Variants in PLXDC2 observed in about 807,000 individuals in gnomAD.
The protein encoded by PLXDC2 is plexin domain containing 2.
PLXDC2 carries 40 observed loss-of-function variants against 68.9 expected under a neutral mutation model. The ratio of observed to expected loss-of-function variants is 0.58; its 90% CI spans 0.45 to 0.76. The LOEUF (loss-of-function observed/expected upper bound fraction) is 0.76, where lower values mean the gene tolerates loss of function less well. PLXDC2 is among the 30% of genes least tolerant of loss of function. The pLI is 0.00. For missense variants in PLXDC2, 644 were observed against 661.9 expected (o/e 0.97, Z 0.30); for synonymous variants, 243 against 234.2 (o/e 1.04, Z -0.34).
At chr10:20,036,588 T>G (rs964620660) in intron 2 of PLXDC2, among the ~76,000 whole-genome samples, 5 of 152,200 alleles carry the variant, frequency 3.3e-5, no homozygotes, top group Admixed American at 2.0e-4. Context: ...TGATTTTTTT[T>G]TAATTATTAG....
At chr10:20,132,767 CT>C (rs201626473) in intron 4 of PLXDC2, among the ~76,000 whole-genome samples, 1,814 of 30,728 alleles carry the variant, frequency 0.059, 27 homozygotes, top group African/African-American at 0.11. Flanking sequence ...ATAGTTTGAT[CT>C]TTAAAAAAAA....
intron 9 of PLXDC2, among the ~76,000 whole-genome samples, chr10:20,182,239 C>T (rs1324835031): frequency 6.6e-5 from 10 of 151,908 alleles, no homozygotes; most frequent in Non-Finnish European, 7.4e-5. Flanking sequence ...TCCTTTACAG[C>T]GAATTCCTCC....
intron 4 of PLXDC2, among the ~76,000 whole-genome samples, chr10:20,069,964 A>G (rs1386722469): frequency 6.6e-6 from 1 of 152,334 alleles, no homozygotes; most frequent in Non-Finnish European, 1.5e-5. Context: ...TTGTTGTTCA[A>G]AGTTTTTCTT....
intron 4 of PLXDC2, among the ~76,000 whole-genome samples, chr10:20,126,482 T>TAACACACATGTTATATATGTATATAG (rs1833785108): frequency 8.6e-5 from 2 of 23,338 alleles, no homozygotes; most frequent in African/African-American, 3.5e-4. Flanking sequence ...TATGTATATA[T>TAACACACATGTTATATATGTATATAG]AACACACACG....
chr10:20,112,028 C>A (rs1402382972), intron 4 of PLXDC2, among the ~76,000 whole-genome samples: 1 of 152,046 alleles, frequency 6.6e-6, no homozygotes, highest in Admixed American at 6.6e-5. Flanking sequence ...TGCCCTCTTA[C>A]AAAGAGTCAT....
At chr10:20,250,271 C>CAAAAAAA (rs35463564) in intron 13 of PLXDC2, among the ~76,000 whole-genome samples, 1 of 108,470 alleles carries the variant, frequency 9.2e-6, no homozygotes, top group Non-Finnish European at 1.8e-5. Context: ...GATCCTGTTT[C>CAAAAAAA]AAAAAAAAAA....
intron 4 of PLXDC2, among the ~76,000 whole-genome samples, chr10:20,091,541 T>C (rs1186607658): frequency 6.6e-6 from 1 of 152,190 alleles, no homozygotes; most frequent in Non-Finnish European, 1.5e-5. Flanking sequence ...CTTTTTAAGA[T>C]GAGGCATGAC....
At chr10:20,263,274 A>G (rs1018931589) in intron 13 of PLXDC2, among the ~76,000 whole-genome samples, 1 of 152,212 alleles carries the variant, frequency 6.6e-6, no homozygotes, top group Non-Finnish European at 1.5e-5. Context: ...TCCCTATTCA[A>G]TAAATGGTGC....
intron 13 of PLXDC2, among the ~76,000 whole-genome samples, chr10:20,268,169 T>C (rs1031341141): frequency 2.0e-5 from 3 of 152,194 alleles, no homozygotes; most frequent in African/African-American, 7.2e-5. Flanking sequence ...ACACTAATAC[T>C]TTATTGTTCC....
intron 5 of PLXDC2, among the ~76,000 whole-genome samples, chr10:20,144,859 A>G (rs1834052368): frequency 6.6e-6 from 1 of 152,222 alleles, no homozygotes; most frequent in African/African-American, 2.4e-5. Flanking sequence ...TACTGTTGCT[A>G]TCAAAATCAT....
intron 9 of PLXDC2, among the ~76,000 whole-genome samples, chr10:20,195,190 T>G (rs569244026): frequency 9.2e-5 from 14 of 152,092 alleles, no homozygotes; most frequent in Non-Finnish European, 1.8e-4. Context: ...CAGCCTGTGG[T>G]CCGGGCCTCA....
intron 4 of PLXDC2, among the ~76,000 whole-genome samples, chr10:20,138,441 CATA>C (rs1440450828): frequency 6.6e-6 from 1 of 152,154 alleles, no homozygotes; most frequent in Admixed American, 6.5e-5. Flanking sequence ...AGGCTGGACA[CATA>C]ATGACTGCAA....
chr10:19,856,676 AT>A (rs1000427725), intron 1 of PLXDC2, among the ~76,000 whole-genome samples: 2 of 152,132 alleles, frequency 1.3e-5, no homozygotes, highest in Non-Finnish European at 2.9e-5. Flanking sequence ...CATTTCACAC[AT>A]TTCATCTGCT....
intron 1 of PLXDC2, among the ~76,000 whole-genome samples, chr10:19,926,441 C>T (rs115679152): frequency 8.3e-4 from 127 of 152,256 alleles, no homozygotes; most frequent in African/African-American, 2.9e-3. Flanking sequence ...AGAGAAAGGG[C>T]TGATTTGCTT....
rs7912840 is a variant in PLXDC2 at position 20,068,187 on chromosome 10, C to T, written c.489C>T (p.Phe163=). ...CTTTGCAGAGAGTGAATCTGTCCTT[C>T]GATTTTCCATTTTATGGCCACTTCC... is the stretch of plus-strand genomic sequence containing the variant. ...HRQAARVNLS[F]DFPFYGHFLR... Residue 163 remains phenylalanine (F), a synonymous_variant, in exon 4 of 14, where the codon TTC becomes TTT. Transcript: ENST00000377252. The T allele has an allele frequency of 2.0e-5, 32 of 1,613,052 alleles. No individual in the cohort carries two copies. The Middle Eastern group carries it at 6.6e-4, about 33-fold the overall frequency.
chr10:20,124,462 G>A lies in PLXDC2; in HGVS notation c.542-18833G>A, dbSNP rs993824849. 3.5e-4 allele frequency among the ~76,000 whole-genome samples: 53 copies of A among 152,228 alleles called. 1 individual carries two copies. Among genetic ancestry groups the A allele is most frequent in the Non-Finnish European group, 8.8e-5 (6 of 68,022 alleles). ...GAGGTCGTAGGTGGATCTTTCTCACGGAGCAAAGGACAGGAGGACAGGGGT... is the reference window on the plus strand; with the variant it reads ...GAGGTCGTAGGTGGATCTTTCTCACAGAGCAAAGGACAGGAGGACAGGGGT... On this transcript the variant is annotated intron_variant, in intron 4 of 13. Transcript: ENST00000377252.
At chr10:20,211,767 G>T (rs750393411) in intron 10 of PLXDC2, 38 bp downstream of exon 10, 1 of 1,586,896 alleles carries the variant, frequency 6.3e-7, no homozygotes, top group Non-Finnish European at 8.6e-7. Context: ...CTGGGACCAA[G>T]CTGTCATATA....
intron 3 of PLXDC2, among the ~76,000 whole-genome samples, chr10:20,065,478 G>A (rs10827949): frequency 0.36 from 54,394 of 151,950 alleles, 11,302 homozygotes; most frequent in East Asian, 0.7. Context: ...TTCATGAAAG[G>A]TGGTTTTTCC....
At chr10:20,262,209 TCTC>T (rs1835816843) in intron 13 of PLXDC2, among the ~76,000 whole-genome samples, 3 of 152,108 alleles carry the variant, frequency 2.0e-5, no homozygotes, top group Admixed American at 2.0e-4. Flanking sequence ...GGTCATGAGA[TCTC>T]CTTGTGAACC....
Sources: allele counts gnomAD v4.1 joint callset (sites outside exome capture counted in the v4.1 genomes callset), GRCh38; gene constraint gnomAD v4.1.1; transcripts MANE v1.5; gene names NCBI Gene and HGNC (gene_info 2026-07-23, HGNC 2026-07-21).